Variants in CSN2 observed in about 807,000 individuals in gnomAD.
CSN2 encodes the protein casein beta.
A neutral mutation model predicts 27.3 loss-of-function variants in CSN2; 27 were observed. The observed-to-expected ratio is 0.99, with a 90% confidence interval of 0.73 to 1.36. The LOEUF is 1.36. CSN2 is among the 40% of genes most tolerant of loss of function. The probability of loss-of-function intolerance (pLI) is 0.00; values close to 1 mark genes in which losing one functional copy is unlikely to be tolerated. For synonymous variants in CSN2, 131 were observed against 94.8 expected (o/e 1.38, Z -2.22); for missense variants, 333 against 264.5 (o/e 1.26, Z -1.80).
chr4:69,958,845 A>C, intron 5 of CSN2, 64 bp downstream of exon 5: 1 of 1,019,222 alleles, frequency 9.8e-7, no homozygotes. Flanking sequence ...ACACATTATA[A>C]ATATTTTTGT....
At position 69,960,163 on chromosome 4, in the gene CSN2, T is replaced by C. The variant is rs1560398730; in HGVS notation, c.52-84A>G. The C allele has an allele frequency of 3.1e-6, 4 of 1,284,816 alleles. No homozygotes were observed. In the East Asian group the frequency reaches 9.5e-5, roughly 30 times the overall value. 79.6% of individuals were successfully genotyped at this position (1,284,816 alleles called of 1,614,324 possible). On this transcript the variant is annotated intron_variant, in intron 2 of 7. Transcript: ENST00000353151. Reference sequence around the variant, plus strand: ...TATTTTATGGTTCATAAATTTTCTCTAAAAAAATAATCTCACCTCAGAGGA... The same window carrying C: ...TATTTTATGGTTCATAAATTTTCTCCAAAAAAATAATCTCACCTCAGAGGA...
chr4:69,964,278 C>G (rs1292210856), intron 1 of CSN2, among the ~76,000 whole-genome samples: 1 of 152,094 alleles, frequency 6.6e-6, no homozygotes, highest in African/African-American at 2.4e-5. Flanking sequence ...CTTGGGACTA[C>G]CTCTTCTTGT....
intron 1 of CSN2, among the ~76,000 whole-genome samples, chr4:69,962,903 A>T (rs1009060737): frequency 6.6e-6 from 1 of 152,100 alleles, no homozygotes; most frequent in African/African-American, 2.4e-5. Context: ...AAAACAAACA[A>T]CCCCATCAAA....
intron 1 of CSN2, 38 bp from the exon 2 acceptor site, chr4:69,961,045 T>C (rs746947012): frequency 1.7e-5 from 24 of 1,449,618 alleles, no homozygotes; most frequent in Non-Finnish European, 2.1e-5. Flanking sequence ...GGAAGATTGG[T>C]CAATTGGATA....
chr4:69,964,411 T>A (rs1723723797), intron 1 of CSN2, among the ~76,000 whole-genome samples: 1 of 152,092 alleles, frequency 6.6e-6, no homozygotes, highest in African/African-American at 2.4e-5. Context: ...ACCACTCAAA[T>A]CTTCATTCTC....
Position 69,955,262 on chromosome 4 carries a change from T to A in CSN2, c.*367A>T, listed in dbSNP as rs1477548445. 6.6e-6 allele frequency: 1 copy of A among 152,438 alleles called. No individual in the cohort carries two copies. Among genetic ancestry groups the A allele is most frequent in the African/African-American group, 2.4e-5 (1 of 41,432 alleles). The allele number at this position is 152,438 out of a possible 1,614,324, so 9.4% of individuals were successfully genotyped here. On this transcript the variant is annotated 3_prime_UTR_variant, in exon 8 of 8. Transcript: ENST00000353151. ...AAAGACAGAAGAACTGAAATATGCTTAAGAATAATTTATTGAAATGACTGG... is the reference window on the plus strand; with the variant it reads ...AAAGACAGAAGAACTGAAATATGCTAAAGAATAATTTATTGAAATGACTGG...
intron 2 of CSN2, 141 bp downstream of exon 2, chr4:69,960,804 G>T: frequency 1.5e-6 from 1 of 674,864 alleles, no homozygotes; most frequent in South Asian, 2.3e-5. Context: ...AAATATAAAT[G>T]ATTTTGATAG....
intron 1 of CSN2, among the ~76,000 whole-genome samples, chr4:69,963,660 A>C (rs1465827686): frequency 6.6e-6 from 1 of 152,134 alleles, no homozygotes; most frequent in Non-Finnish European, 1.5e-5. Context: ...TGGGTGCAGC[A>C]CACCAACATG....
Position 69,957,363 on chromosome 4 carries a change from G to C in CSN2, c.586C>G (p.Leu196Val), listed in dbSNP as rs115451626. The change falls in exon 6 of 8, where the codon CTT becomes GTT. Residue 196 changes from leucine (L) to valine (V), a missense_variant. Leu to Val is a conservative substitution (Grantham distance 32, BLOSUM62 1). Coordinates refer to ENST00000353151, the MANE Select transcript of CSN2 (RefSeq NM_001891.4). ...AGTAGAAGTTCTTGGTTGAGCAGAA[G>C]GGCTTGAACAGGCACAGCTCTCTGA... ...YPQRAVPVQA[L>V]LLNQELLLNP... The C allele has an allele frequency of 6.2e-7, 1 of 1,613,234 alleles. No individual in the cohort carries two copies. The highest frequency in any genetic ancestry group is 1.7e-5 in the Admixed American group (1 of 59,810).
chr4:69,962,361 G>A (rs1440494272), intron 1 of CSN2, among the ~76,000 whole-genome samples: 1 of 152,148 alleles, frequency 6.6e-6, no homozygotes, highest in East Asian at 1.9e-4. Context: ...AACCAAAACA[G>A]CATGGTACTT....
chr4:69,962,663 A>G (rs1723637158), intron 1 of CSN2, among the ~76,000 whole-genome samples: 1 of 152,212 alleles, frequency 6.6e-6, no homozygotes, highest in Admixed American at 6.5e-5. Context: ...ACCATTCAGG[A>G]CATAGGCATG....
intron 1 of CSN2, among the ~76,000 whole-genome samples, chr4:69,962,670 C>T (rs1578146233): frequency 2.0e-5 from 3 of 152,244 alleles, no homozygotes; most frequent in Admixed American, 2.0e-4. Context: ...AGGACATAGG[C>T]ATGGGCAAGG....
At chr4:69,958,340 G>T (rs972031595) in intron 5 of CSN2, among the ~76,000 whole-genome samples, 1 of 152,140 alleles carries the variant, frequency 6.6e-6, no homozygotes, top group Admixed American at 6.6e-5. Flanking sequence ...CTTGGGAGAA[G>T]ATAGTCTCTT....
intron 1 of CSN2, among the ~76,000 whole-genome samples, chr4:69,963,754 A>G (rs1000986041): frequency 1.1e-4 from 16 of 152,140 alleles, no homozygotes; most frequent in Non-Finnish European, 1.9e-4. Flanking sequence ...ATTTCAAAAG[A>G]CAAATAAAAT....
chr4:69,959,067 T>G lies in CSN2; in HGVS notation c.81A>C (p.Glu27Asp). The G allele has an allele frequency of 1.5e-6, 2 of 1,355,758 alleles. No individual in the cohort carries two copies. Among genetic ancestry groups the G allele is most frequent in the Non-Finnish European group, 2.0e-6 (2 of 980,124 alleles). 84.0% of individuals were successfully genotyped at this position (1,355,758 alleles called of 1,614,324 possible). ...AATTTACCTTGTATTCTGTAATAGA[T>G]TCCTACAGAAAAATATAAAATAAAA... ...ETIESLSSSEESITEYKQKVE... is the reference protein window; with the variant it reads ...ETIESLSSSEDSITEYKQKVE... The change falls in exon 4 of 8, where the codon GAA becomes GAC. Residue 27 changes from glutamate to aspartate, a missense_variant and splice_region_variant. Glu to Asp is a conservative substitution (Grantham distance 45, BLOSUM62 2). Transcript: ENST00000353151.
chr4:69,965,114 T>C (rs1723752548), intron 1 of CSN2, among the ~76,000 whole-genome samples: 1 of 151,294 alleles, frequency 6.6e-6, no homozygotes, highest in African/African-American at 2.4e-5. Context: ...ACAAACTAGA[T>C]AATAAACTGG....
At chr4:69,956,889 T>A (rs1471181411) in intron 6 of CSN2, among the ~76,000 whole-genome samples, 1 of 152,084 alleles carries the variant, frequency 6.6e-6, no homozygotes, top group Non-Finnish European at 1.5e-5. Context: ...GGCATTGGGA[T>A]TTGTGGGGAA....
At chr4:69,959,228 G>T (rs1472109182) in intron 3 of CSN2, among the ~76,000 whole-genome samples, 159 bp from the exon 4 acceptor site, 1 of 151,870 alleles carries the variant, frequency 6.6e-6, no homozygotes, top group Admixed American at 6.6e-5. Context: ...AGCTTGTTAT[G>T]TAAAAGAAAG....
intron 3 of CSN2, 40 bp downstream of exon 3, chr4:69,960,013 G>A: frequency 1.3e-6 from 2 of 1,590,386 alleles, no homozygotes; most frequent in Middle Eastern, 1.7e-4. Context: ...AAATAGCACA[G>A]GATTTTACTG....
Sources: allele counts gnomAD v4.1 joint callset (sites outside exome capture counted in the v4.1 genomes callset), GRCh38; gene constraint gnomAD v4.1.1; transcripts MANE v1.5; gene names NCBI Gene and HGNC (gene_info 2026-07-23, HGNC 2026-07-21).